The following IL17RD variants were observed in gnomAD, a reference collection of about 807,000 sequenced individuals.
The protein encoded by IL17RD is interleukin-17 receptor D.
IL17RD carries 52 observed loss-of-function variants against 80.5 expected under a neutral mutation model. The ratio of observed to expected loss-of-function variants is 0.65; its 90% CI spans 0.52 to 0.81. The LOEUF (loss-of-function observed/expected upper bound fraction) is 0.81. Among genes scored for constraint, IL17RD ranks in the 40% least tolerant of loss-of-function variants. The pLI is 0.00. For synonymous variants in IL17RD, 416 were observed against 391.8 expected (o/e 1.06, Z -0.73); for missense variants, 1,024 against 955.1 (o/e 1.07, Z -0.95).
chr3:57,151,535 T>A (rs13099835), intron 1 of IL17RD, among the ~76,000 whole-genome samples: 189 of 152,240 alleles, frequency 1.2e-3, no homozygotes, highest in Non-Finnish European at 1.9e-3. Context: ...GCAGCTTCTG[T>A]TAAACAGATA....
chr3:57,144,389 G>T (rs968367366), intron 1 of IL17RD, among the ~76,000 whole-genome samples: 6 of 152,174 alleles, frequency 3.9e-5, no homozygotes, highest in Admixed American at 6.5e-5. Flanking sequence ...CCCTGTGGAG[G>T]AGTCCATCTT....
intron 5 of IL17RD, among the ~76,000 whole-genome samples, chr3:57,107,379 G>A (rs917677485): frequency 5.5e-5 from 4 of 72,338 alleles, no homozygotes; most frequent in Admixed American, 1.1e-4. Context: ...ACTCCATCTC[G>A]AAAAAAAAAA....
Position 57,101,314 on chromosome 3 carries a change from G to A in IL17RD, c.1029C>T (p.Tyr343=), listed in dbSNP as rs753674517. 6.2e-7 allele frequency: 1 copy of A among 1,612,978 alleles called. No homozygotes were observed. The highest frequency in any genetic ancestry group is 8.5e-7 in the Non-Finnish European group (1 of 1,179,088). ...GCCTCTCTCTTGGGAGTGCTGCAGTGTATGTGGAAGACTCAGAGCTCTCTT... is the reference window on the plus strand; with the variant it reads ...GCCTCTCTCTTGGGAGTGCTGCAGTATATGTGGAAGACTCAGAGCTCTCTT... ...LDEESSESST[Y]TAALPRERLR... Residue 343 remains tyrosine, a synonymous_variant, in exon 11 of 13, where the codon TAC becomes TAT. Transcript: ENST00000296318.
chr3:57,165,718 C>T (rs76704424), upstream of IL17RD, among the ~76,000 whole-genome samples: 124 of 152,170 alleles, frequency 8.1e-4, 1 homozygote, highest in East Asian at 0.013. Flanking sequence ...TTTCTGTATA[C>T]GCCCAACCAC....
At chr3:57,136,859 A>G (rs1707741986) in intron 1 of IL17RD, among the ~76,000 whole-genome samples, 1 of 152,082 alleles carries the variant, frequency 6.6e-6, no homozygotes, top group African/African-American at 2.4e-5. Flanking sequence ...AGGTGTTTAC[A>G]ATTAGTTTTG....
intron 1 of IL17RD, among the ~76,000 whole-genome samples, chr3:57,154,240 C>A (rs912922987): frequency 7.0e-6 from 1 of 143,090 alleles, no homozygotes; most frequent in Non-Finnish European, 1.5e-5. Context: ...CAGAGTGAGA[C>A]CTTGTCTCAA....
intron 1 of IL17RD, among the ~76,000 whole-genome samples, chr3:57,147,580 A>G (rs1414097240): frequency 6.6e-6 from 1 of 152,170 alleles, no homozygotes; most frequent in Non-Finnish European, 1.5e-5. Context: ...TGGGCAGGTA[A>G]CCCATCTGTA....
chr3:57,141,126 T>A (rs911982042), intron 1 of IL17RD, among the ~76,000 whole-genome samples: 9 of 152,136 alleles, frequency 5.9e-5, no homozygotes, highest in African/African-American at 1.9e-4. Context: ...GGGCTGAAAC[T>A]CCTGGGCTCA....
rs1253094218 is a variant in IL17RD, at chr3:57,098,526, G to A, written c.1177C>T (p.Leu393=). Residue 393 remains leucine (L), a synonymous_variant, in exon 12 of 13, where the codon CTG becomes TTG. Coordinates refer to ENST00000296318, the MANE Select transcript of IL17RD (RefSeq NM_017563.5). ...CTACAGAGGCTGAAGTCTTCCCACA[G>A]GTCCAGAGCCACCTGGAAAGAGAAC... is the stretch of plus-strand genomic sequence containing the variant. The part of the protein sequence containing the change: ...DFCGCEVALD[L]WEDFSLCREG... 2 of 1,595,092 alleles carry A rather than the reference G, an allele frequency of 1.3e-6. No individual in the cohort carries two copies. Among genetic ancestry groups the A allele is most frequent in the Admixed American group, 1.7e-5 (1 of 57,854 alleles).
intron 8 of IL17RD, among the ~76,000 whole-genome samples, chr3:57,103,939 T>C (rs116816744): frequency 0.015 from 2,268 of 152,262 alleles, 62 homozygotes; most frequent in African/African-American, 0.052. Flanking sequence ...TGAAGTGGTG[T>C]TTAGAATTCA....
At chr3:57,132,349 A>T (rs1707628532) in intron 1 of IL17RD, among the ~76,000 whole-genome samples, 1 of 151,974 alleles carries the variant, frequency 6.6e-6, no homozygotes, top group Non-Finnish European at 1.5e-5. Flanking sequence ...AATCCCAGCT[A>T]CTCGGGAGGC....
Position 57,151,724 on chromosome 3 carries a change from A to G in IL17RD, c.126+13437T>C, listed in dbSNP as rs1463663. 3.3e-3 allele frequency among the ~76,000 whole-genome samples: 502 copies of G among 152,202 alleles called. 1 individual carries two copies. The highest frequency in any genetic ancestry group is 0.011 in the African/African-American group (474 of 41,516). On this transcript the variant is annotated intron_variant, in intron 1 of 12. Coordinates refer to ENST00000296318, the MANE Select transcript of IL17RD (RefSeq NM_017563.5). ...TTAGCAACATCCCTGAGCCCTTCCC[A>G]TTGACTGCCAGGAGCAGCCTACCCC... is the stretch of plus-strand genomic sequence containing the variant.
chr3:57,161,329 T>G (rs1354084484), intron 1 of IL17RD, among the ~76,000 whole-genome samples: 5 of 152,202 alleles, frequency 3.3e-5, no homozygotes, highest in Non-Finnish European at 1.5e-5. Flanking sequence ...CAAATAAACA[T>G]GTCTGGGCCC....
At position 57,097,785 on chromosome 3, in the gene IL17RD, T is replaced by C. The variant is rs1268897542; in HGVS notation, c.1918A>G (p.Ser640Gly). ...DGEARPALDG[S>G]AALQPLLHTV... ...TGCAGCAGGGGTTGCAGGGCGGCGCTACCGTCAAGGGCAGGCCGGGCCTCC... is the reference window on the plus strand; with the variant it reads ...TGCAGCAGGGGTTGCAGGGCGGCGCCACCGTCAAGGGCAGGCCGGGCCTCC... The change falls in exon 12 of 13, where the codon AGC becomes GGC. Residue 640 changes from serine (S) to glycine (G), a missense_variant. By Grantham distance (56) the Ser-to-Gly change is moderately conservative. Transcript: ENST00000296318. 3 of 1,603,724 alleles carry C rather than the reference T, an allele frequency of 1.9e-6. No individual in the cohort carries two copies. The highest frequency in any genetic ancestry group is 1.3e-5 in the African/African-American group (1 of 74,728).
intron 1 of IL17RD, among the ~76,000 whole-genome samples, chr3:57,123,128 G>A (rs9861847): frequency 6.6e-6 from 1 of 152,018 alleles, no homozygotes; most frequent in African/African-American, 2.4e-5. Flanking sequence ...CTGTTCAGAG[G>A]GGGGTCCAGT....
intron 1 of IL17RD, among the ~76,000 whole-genome samples, chr3:57,147,638 C>T (rs757593980): frequency 4.6e-5 from 7 of 152,078 alleles, no homozygotes; most frequent in Non-Finnish European, 1.0e-4. Context: ...CGGAAACAGC[C>T]CAAATGCCTC....
intron 3 of IL17RD, among the ~76,000 whole-genome samples, chr3:57,111,240 G>A (rs961799005): frequency 2.0e-5 from 3 of 152,220 alleles, no homozygotes; most frequent in Non-Finnish European, 4.4e-5. Flanking sequence ...GAAATTTATT[G>A]ATGATAAAGG....
At chr3:57,131,628 T>C (rs1049285470) in intron 1 of IL17RD, among the ~76,000 whole-genome samples, 5 of 152,174 alleles carry the variant, frequency 3.3e-5, no homozygotes, top group African/African-American at 1.2e-4. Context: ...CCGTCATCCC[T>C]CTCTTGGCAA....
chr3:57,127,241 A>AAT (rs1301379672), intron 1 of IL17RD, among the ~76,000 whole-genome samples: 6 of 97,848 alleles, frequency 6.1e-5, no homozygotes, highest in South Asian at 2.8e-4. Context: ...AAAATATATA[A>AAT]ATATATATAT....
Sources: allele counts gnomAD v4.1 joint callset (sites outside exome capture counted in the v4.1 genomes callset), GRCh38; gene constraint gnomAD v4.1.1; transcripts MANE v1.5; gene names NCBI Gene and HGNC (gene_info 2026-07-23, HGNC 2026-07-21).